Variants in MACROD2 observed in about 807,000 individuals in gnomAD.
MACROD2 encodes the protein ADP-ribose glycohydrolase MACROD2.
A neutral mutation model predicts 70.4 loss-of-function variants in MACROD2; 36 were observed. The ratio of observed to expected loss-of-function variants is 0.51; its 90% CI spans 0.39 to 0.68. MACROD2 has a LOEUF of 0.68. Ranked by LOEUF, MACROD2 falls within the 30% of genes least tolerant of loss-of-function variation. MACROD2 has a pLI of 0.00. For synonymous variants in MACROD2, 172 were observed against 178.8 expected (o/e 0.96, Z 0.30); for missense variants, 496 against 538.4 (o/e 0.92, Z 0.78).
chr20:14,911,224 T>G (rs906808578), intron 5 of MACROD2, among the ~76,000 whole-genome samples: 3 of 152,196 alleles, frequency 2.0e-5, no homozygotes, highest in African/African-American at 7.2e-5. Flanking sequence ...GAATACATAG[T>G]TTAACCAGTT....
chr20:15,717,999 T>C (rs1330085838), intron 8 of MACROD2, among the ~76,000 whole-genome samples: 1 of 151,198 alleles, frequency 6.6e-6, no homozygotes, highest in Non-Finnish European at 1.5e-5. Context: ...ATGTCCATGT[T>C]TTTTATTGTG....
chr20:14,689,987 T>C (rs768637221), intron 5 of MACROD2, among the ~76,000 whole-genome samples: 1 of 150,200 alleles, frequency 6.7e-6, no homozygotes, highest in Non-Finnish European at 1.5e-5. Context: ...GTGTCAATTA[T>C]CCATTGTGTT....
At chr20:15,911,177 C>A (rs1025502777) in intron 10 of MACROD2, among the ~76,000 whole-genome samples, 7 of 152,154 alleles carry the variant, frequency 4.6e-5, no homozygotes, top group African/African-American at 1.7e-4. Context: ...GGACACATGG[C>A]AACTCTGGGA....
intron 8 of MACROD2, among the ~76,000 whole-genome samples, chr20:15,820,403 G>A (rs928515797): frequency 6.6e-6 from 1 of 152,072 alleles, no homozygotes; most frequent in Non-Finnish European, 1.5e-5. Context: ...TGTTGCCTAG[G>A]CTGGTCTCGA....
intron 2 of MACROD2, among the ~76,000 whole-genome samples, chr20:14,016,476 A>G (rs1357288905): frequency 6.6e-6 from 1 of 152,144 alleles, no homozygotes; most frequent in East Asian, 1.9e-4. Flanking sequence ...TCTAGAAGAC[A>G]TTGTTAAATC....
intron 1 of MACROD2, among the ~76,000 whole-genome samples, chr20:14,000,701 T>C (rs1313416459): frequency 1.3e-5 from 2 of 152,220 alleles, no homozygotes; most frequent in Admixed American, 6.5e-5. Context: ...ATTTCTTCCT[T>C]GTTTAGGTGA....
chr20:14,780,074 G>T (rs892672095), intron 5 of MACROD2, among the ~76,000 whole-genome samples: 1 of 152,048 alleles, frequency 6.6e-6, no homozygotes, highest in Admixed American at 6.5e-5. Context: ...TTAAAAAAGT[G>T]GTCAAACCAG....
At chr20:14,721,049 G>A (rs1568758218) in intron 5 of MACROD2, among the ~76,000 whole-genome samples, 1 of 151,924 alleles carries the variant, frequency 6.6e-6, no homozygotes, top group Non-Finnish European at 1.5e-5. Context: ...GAGCTCGGGA[G>A]TTAGCGACCA....
chr20:14,104,155 A>G (rs761978150), intron 3 of MACROD2, among the ~76,000 whole-genome samples: 5 of 152,152 alleles, frequency 3.3e-5, no homozygotes, highest in Non-Finnish European at 4.4e-5. Context: ...GGTTTGATGA[A>G]TTTTTTTATG....
At chr20:14,504,569 T>G (rs1796852408) in intron 4 of MACROD2, among the ~76,000 whole-genome samples, 1 of 152,200 alleles carries the variant, frequency 6.6e-6, no homozygotes, top group African/African-American at 2.4e-5. Context: ...ACAGATTTTC[T>G]TCTTTGAATT....
At chr20:14,236,189 G>A (rs1015753367) in intron 3 of MACROD2, among the ~76,000 whole-genome samples, 14 of 151,890 alleles carry the variant, frequency 9.2e-5, no homozygotes, top group African/African-American at 2.7e-4. Context: ...TTGTGCTTAC[G>A]TCCTATAATT....
At chr20:15,637,528 G>A (rs1405314291) in intron 8 of MACROD2, among the ~76,000 whole-genome samples, 2 of 152,310 alleles carry the variant, frequency 1.3e-5, no homozygotes, top group Admixed American at 6.5e-5. Context: ...GGCTTTCTCA[G>A]TGCTTGAGAG....
intron 3 of MACROD2, among the ~76,000 whole-genome samples, chr20:14,266,240 C>T (rs1053835884): frequency 6.6e-6 from 1 of 152,072 alleles, no homozygotes; most frequent in African/African-American, 2.4e-5. Context: ...AGCAATTCAA[C>T]CTCTTTGGGC....
At chr20:14,915,396 A>G (rs900162041) in intron 5 of MACROD2, among the ~76,000 whole-genome samples, 1 of 152,166 alleles carries the variant, frequency 6.6e-6, no homozygotes, top group African/African-American at 2.4e-5. Flanking sequence ...AGGAACAGAA[A>G]CTGTTTGGGG....
intron 11 of MACROD2, among the ~76,000 whole-genome samples, chr20:15,936,850 G>A (rs1265070862): frequency 6.6e-6 from 1 of 152,106 alleles, no homozygotes; most frequent in African/African-American, 2.4e-5. Flanking sequence ...GGAGAGAAAG[G>A]TCTACTCTAA....
intron 4 of MACROD2, among the ~76,000 whole-genome samples, chr20:14,557,585 A>G (rs568949331): frequency 6.6e-6 from 1 of 152,074 alleles, no homozygotes; most frequent in South Asian, 2.1e-4. Flanking sequence ...ATATTTCTCC[A>G]TATAAGTTAT....
At chr20:15,633,101 A>G (rs1256947736) in intron 8 of MACROD2, among the ~76,000 whole-genome samples, 1 of 152,102 alleles carries the variant, frequency 6.6e-6, no homozygotes, top group Non-Finnish European at 1.5e-5. Context: ...CCCTCCTTTC[A>G]ACTGTGTGGT....
chr20:14,111,682 T>C (rs2054452987), intron 3 of MACROD2, among the ~76,000 whole-genome samples: 1 of 151,988 alleles, frequency 6.6e-6, no homozygotes, highest in African/African-American at 2.4e-5. Context: ...CCAGTTAAAA[T>C]GGCTTATATC....
intron 10 of MACROD2, among the ~76,000 whole-genome samples, chr20:15,908,154 A>G (rs1030015739): frequency 2.6e-5 from 4 of 152,224 alleles, no homozygotes; most frequent in Admixed American, 2.6e-4. Context: ...TGCCCTGCCA[A>G]GAACAAATGT....
Sources: allele counts gnomAD v4.1 joint callset (sites outside exome capture counted in the v4.1 genomes callset), GRCh38; gene constraint gnomAD v4.1.1; transcripts MANE v1.5; gene names NCBI Gene and HGNC (gene_info 2026-07-23, HGNC 2026-07-21).